SLC9A9: variants seen among roughly 807,000 people sequenced by gnomAD.
SLC9A9 encodes sodium/hydrogen exchanger 9.
A neutral mutation model predicts 77.8 loss-of-function variants in SLC9A9; 62 were observed. The ratio of observed to expected loss-of-function variants is 0.80; its 90% confidence interval spans 0.65 to 0.98. The LOEUF (loss-of-function observed/expected upper bound fraction) is 0.98, where lower values mean the gene tolerates loss of function less well. SLC9A9 is among the 50% of genes least tolerant of loss of function. SLC9A9 has a pLI of 0.00. For missense variants in SLC9A9, 775 were observed against 774.9 expected (o/e 1.00, Z 0.00); for synonymous variants, 320 against 283.5 (o/e 1.13, Z -1.29).
intron 11 of SLC9A9, among the ~76,000 whole-genome samples, chr3:143,468,881 G>A (rs2035329611): frequency 6.6e-6 from 1 of 152,152 alleles, no homozygotes; most frequent in Non-Finnish European, 1.5e-5. Context: ...AAGATGAAGG[G>A]CTGGGCATGG....
chr3:143,312,565 C>A (rs1274036759), intron 14 of SLC9A9, among the ~76,000 whole-genome samples: 2 of 152,364 alleles, frequency 1.3e-5, no homozygotes, highest in East Asian at 3.9e-4. Context: ...CATCATCCTG[C>A]TTTTCTTTCT....
chr3:143,527,992 T>C (rs932002072), intron 9 of SLC9A9, among the ~76,000 whole-genome samples: 2 of 152,174 alleles, frequency 1.3e-5, no homozygotes, highest in Admixed American at 1.3e-4. Flanking sequence ...TGAAAGTAGA[T>C]CTTTGGAGAG....
chr3:143,822,893 C>T (rs185306728), intron 2 of SLC9A9, among the ~76,000 whole-genome samples: 5 of 152,280 alleles, frequency 3.3e-5, no homozygotes, highest in Admixed American at 6.5e-5. Flanking sequence ...CTCTCTCTGC[C>T]TCCTTCCATC....
intron 8 of SLC9A9, among the ~76,000 whole-genome samples, chr3:143,555,638 C>T (rs919380943): frequency 1.3e-5 from 2 of 152,174 alleles, no homozygotes; most frequent in Non-Finnish European, 2.9e-5. Context: ...TTAAGGTGAT[C>T]TTAAGCCATC....
At chr3:143,426,245 T>C (rs1389635133) in intron 12 of SLC9A9, among the ~76,000 whole-genome samples, 1 of 152,226 alleles carries the variant, frequency 6.6e-6, no homozygotes, top group African/African-American at 2.4e-5. Flanking sequence ...CATGTTATAA[T>C]GTAATTAGCT....
At chr3:143,383,322 G>A (rs1254201704) in intron 12 of SLC9A9, among the ~76,000 whole-genome samples, 2 of 152,210 alleles carry the variant, frequency 1.3e-5, no homozygotes, top group Non-Finnish European at 2.9e-5. Context: ...GTGGACAGCA[G>A]TGGCTTAGCC....
intron 4 of SLC9A9, among the ~76,000 whole-genome samples, chr3:143,739,036 A>G (rs1217925665): frequency 6.6e-6 from 1 of 151,920 alleles, no homozygotes; most frequent in African/African-American, 2.4e-5. Flanking sequence ...TGGTGAATGA[A>G]CTCAATCTCC....
At chr3:143,841,631 A>G (rs1033365921) in intron 1 of SLC9A9, among the ~76,000 whole-genome samples, 3 of 152,186 alleles carry the variant, frequency 2.0e-5, no homozygotes, top group Non-Finnish European at 4.4e-5. Flanking sequence ...CCTTTCAAAC[A>G]CTGAGGGGGG....
intron 14 of SLC9A9, among the ~76,000 whole-genome samples, chr3:143,305,794 CT>C (rs780664144): frequency 1.5e-4 from 23 of 152,168 alleles, no homozygotes; most frequent in Non-Finnish European, 2.9e-4. Context: ...AGGGGTGTGT[CT>C]TTGGCCAGAA....
chr3:143,571,136 T>C (rs189949274), intron 8 of SLC9A9, among the ~76,000 whole-genome samples: 7 of 152,278 alleles, frequency 4.6e-5, no homozygotes, highest in Admixed American at 2.6e-4. Context: ...GGTCAGGGCC[T>C]GGGGAATTCT....
intron 13 of SLC9A9, among the ~76,000 whole-genome samples, chr3:143,364,194 G>C (rs757003343): frequency 3.3e-5 from 5 of 151,736 alleles, no homozygotes; most frequent in Non-Finnish European, 1.5e-5. Context: ...GTGTTTGATG[G>C]GTGTTTTTGT....
chr3:143,473,093 A>C (rs1020830887), intron 11 of SLC9A9, among the ~76,000 whole-genome samples: 4 of 152,000 alleles, frequency 2.6e-5, no homozygotes, highest in Non-Finnish European at 4.4e-5. Flanking sequence ...TCCCGACTAG[A>C]GATTCTGATG....
intron 14 of SLC9A9, among the ~76,000 whole-genome samples, chr3:143,291,308 A>G (rs894650293): frequency 1.3e-5 from 2 of 152,164 alleles, no homozygotes; most frequent in Non-Finnish European, 2.9e-5. Flanking sequence ...TAAGCCGATG[A>G]GACTTAGCCT....
intron 5 of SLC9A9, among the ~76,000 whole-genome samples, chr3:143,687,691 C>T (rs146877785): frequency 1.3e-5 from 2 of 151,916 alleles, no homozygotes; most frequent in South Asian, 2.1e-4. Context: ...GGATATTAGA[C>T]CTTTAGTTAA....
intron 8 of SLC9A9, among the ~76,000 whole-genome samples, chr3:143,565,709 G>GTTTTTTTTTT (rs1553767154): frequency 6.8e-6 from 1 of 147,856 alleles, no homozygotes; most frequent in African/African-American, 2.5e-5. Context: ...GAGCCTCAGG[G>GTTTTTTTTTT]TTTTGTTTTT....
intron 4 of SLC9A9, among the ~76,000 whole-genome samples, chr3:143,749,799 C>T (rs1008718961): frequency 6.6e-6 from 1 of 152,198 alleles, no homozygotes; most frequent in Admixed American, 6.5e-5. Flanking sequence ...GAGTATATTC[C>T]TATATGGAAA....
intron 6 of SLC9A9, among the ~76,000 whole-genome samples, chr3:143,608,641 GAAAC>G (rs2037966966): frequency 1.3e-5 from 2 of 152,016 alleles, no homozygotes; most frequent in South Asian, 4.2e-4. Flanking sequence ...CAATGTAATT[GAAAC>G]ATATAAGTAC....
At chr3:143,595,126 A>G (rs1388092329) in intron 6 of SLC9A9, among the ~76,000 whole-genome samples, 2 of 152,174 alleles carry the variant, frequency 1.3e-5, no homozygotes, top group Non-Finnish European at 2.9e-5. Context: ...TTCTGTTTCA[A>G]AAGACACAAG....
chr3:143,368,274 G>C (rs1268081912), intron 13 of SLC9A9, among the ~76,000 whole-genome samples: 1 of 152,102 alleles, frequency 6.6e-6, no homozygotes, highest in Non-Finnish European at 1.5e-5. Context: ...AATTATGATG[G>C]TACTCTGTTT....
Sources: gnomAD v4.1 joint callset for allele counts (sites outside exome capture counted in the v4.1 genomes callset) on GRCh38, gnomAD v4.1.1 for gene constraint, MANE v1.5 for transcripts, NCBI Gene and HGNC (gene_info 2026-07-23, HGNC 2026-07-21) for gene names.